The following ZNF257 variants were observed in gnomAD, a reference collection of about 807,000 sequenced individuals.
ZNF257 encodes zinc finger protein 257, also known as bone marrow zinc finger 4.
ZNF257 carries 12 observed loss-of-function variants against 11.9 expected under a neutral mutation model. The ratio of observed to expected loss-of-function variants is 1.01; its 90% CI spans 0.65 to 1.63. The LOEUF is 1.63. Among genes scored for constraint, ZNF257 ranks in the 40% most tolerant of loss-of-function variants. ZNF257 has a pLI of 0.00. For missense variants in ZNF257, 580 were observed against 665.5 expected, an observed-to-expected ratio of 0.87 and a Z score of 1.41; for synonymous variants, 183 against 222.7, an observed-to-expected ratio of 0.82 and a Z score of 1.59.
At chr19:22,084,524 G>T (rs1323959913) in intron 3 of ZNF257, among the ~76,000 whole-genome samples, 1 of 151,402 alleles carries the variant, frequency 6.6e-6, no homozygotes, top group Non-Finnish European at 1.5e-5. Flanking sequence ...TTTCAAAAGT[G>T]CAATGAGAAA....
At chr19:22,084,493 C>A (rs2022430185) in intron 3 of ZNF257, among the ~76,000 whole-genome samples, 1 of 151,378 alleles carries the variant, frequency 6.6e-6, no homozygotes, top group Non-Finnish European at 1.5e-5. Context: ...AATAGCACTC[C>A]TGAGTTTGTT....
At chr19:22,064,314 ATAAAT>A (rs1435797126) in intron 1 of ZNF257, 1 of 152,260 alleles carries the variant, frequency 6.6e-6, no homozygotes, top group African/African-American at 2.4e-5. Context: ...TGAAATATAC[ATAAAT>A]TATATTAACA....
At chr19:22,061,118 T>G (rs1232436976) in intron 1 of ZNF257, among the ~76,000 whole-genome samples, 1 of 152,062 alleles carries the variant, frequency 6.6e-6, no homozygotes, top group African/African-American at 2.4e-5. Context: ...TTTTTTTTTG[T>G]TCCATATGAA....
At position 22,052,567 on chromosome 19, in the gene ZNF257, G is replaced by A; in HGVS notation, c.-66G>A. On this transcript the variant is annotated 5_prime_UTR_variant, in exon 1 of 4. Transcript: ENST00000594947. ...TTCTCCTAGGGGCCCAGCCTCTGTG[G>A]CCCTGTGACCTGCAGGTATTGGGAG... 1.3e-6 allele frequency: 2 copies of A among 1,585,698 alleles called. No homozygotes were observed. Among genetic ancestry groups the A allele is most frequent in the Non-Finnish European group, 1.7e-6 (2 of 1,160,448 alleles).
intron 1 of ZNF257, among the ~76,000 whole-genome samples, chr19:22,061,153 T>C (rs2021785889): frequency 6.6e-6 from 1 of 152,188 alleles, no homozygotes; most frequent in Non-Finnish European, 1.5e-5. Context: ...CTTTTGGTTC[T>C]GTTAAGAATG....
intron 3 of ZNF257, among the ~76,000 whole-genome samples, chr19:22,078,236 T>TAA (rs56056830): frequency 0.24 from 24,671 of 101,672 alleles, 3,057 homozygotes; most frequent in South Asian, 0.42. Context: ...AGACTCCAAC[T>TAA]AAAAAAAAAA....
Position 22,052,625 on chromosome 19 carries a change from G to A in ZNF257, c.-8G>A, listed in dbSNP as rs1256350151. 1.2e-6 allele frequency: 2 copies of A among 1,607,810 alleles called. No individual in the cohort carries two copies. The highest frequency in any genetic ancestry group is 2.2e-5 in the East Asian group (1 of 44,530). The stretch of plus-strand genomic sequence containing the variant: ...GCTAAGACGCCAGGTCCTCCTGGAA[G>A]CCTAGAAATGGTGAGAGTGCTGGGT... On this transcript the variant is annotated 5_prime_UTR_variant, in exon 1 of 4. Coordinates refer to ENST00000594947, the MANE Select transcript of ZNF257 (RefSeq NM_033468.4).
intron 3 of ZNF257, among the ~76,000 whole-genome samples, chr19:22,080,668 TTC>T (rs1218306052): frequency 2.0e-5 from 3 of 151,890 alleles, no homozygotes; most frequent in African/African-American, 7.3e-5. Context: ...GTTTTCTAAG[TTC>T]TCTGTTTTAT....
chr19:22,067,412 A>G (rs1291224166), intron 1 of ZNF257, among the ~76,000 whole-genome samples: 1 of 151,920 alleles, frequency 6.6e-6, no homozygotes, highest in Non-Finnish European at 1.5e-5. Context: ...ACCTGCTGCT[A>G]CTCCACCCAT....
intron 3 of ZNF257, among the ~76,000 whole-genome samples, chr19:22,080,796 G>T (rs2022339067): frequency 6.6e-6 from 1 of 151,062 alleles, no homozygotes; most frequent in Admixed American, 6.6e-5. Context: ...TATATATTTT[G>T]GAGCCCTGAT....
At chr19:22,087,137 A>G (rs998561947) in intron 3 of ZNF257, among the ~76,000 whole-genome samples, 6 of 151,358 alleles carry the variant, frequency 4.0e-5, no homozygotes, top group Admixed American at 1.3e-4. Flanking sequence ...TTTTTATTTT[A>G]TAATGATTGC....
rs908177600 is a variant in ZNF257 at position 22,088,617 on chromosome 19, A to G, written c.867A>G (p.Glu289=). The change falls in exon 4 of 4, where the codon GAA becomes GAG. Residue 289 remains glutamate, a synonymous_variant. Coordinates refer to ENST00000594947, the MANE Select transcript of ZNF257 (RefSeq NM_033468.4). ...GAGAGAAGCCCTTCAAATATGATGA[A>G]TGTTGCAAAGCCTTTAAGTGGTCCT... The part of the protein sequence containing the change: ...HNREKPFKYD[E]CCKAFKWSSA... 6.2e-7 allele frequency: 1 copy of G among 1,611,768 alleles called. No homozygotes were observed. The highest frequency in any genetic ancestry group is 1.4e-5 in the African/African-American group (1 of 73,996).
rs1260043936 is a variant in ZNF257, at chr19:22,073,485, G to A, written c.147G>A (p.Lys49=). 2 of 1,611,338 alleles carry A rather than the reference G, an allele frequency of 1.2e-6. No individual in the cohort carries two copies. The highest frequency in any genetic ancestry group is 1.3e-5 in the African/African-American group (1 of 74,494). ...NLVFLGIAVS[K]PDLITCLEQG... ...AAAAAACAGGTATTGCTGTCTCTAA[G>A]CCAGACCTGATCACCTGTCTGGAGC... The change falls in exon 3 of 4, where the codon AAG becomes AAA. Residue 49 remains lysine, a synonymous_variant. Coordinates refer to ENST00000594947, the MANE Select transcript of ZNF257 (RefSeq NM_033468.4).
chr19:22,090,911 A>G lies in ZNF257; in HGVS notation c.*1469A>G, dbSNP rs1016268959. On this transcript the variant is annotated 3_prime_UTR_variant, in exon 4 of 4. Coordinates refer to ENST00000594947, the MANE Select transcript of ZNF257 (RefSeq NM_033468.4). ...ACCTCTTCTATAAAATAGTAAGGAC[A>G]CTGAAATATAAGATGCATAAGAGTC... is the stretch of plus-strand genomic sequence containing the variant. 6.6e-6 allele frequency: 1 copy of G among 152,182 alleles called. No homozygotes were observed. Among genetic ancestry groups the G allele is most frequent in the East Asian group, 1.9e-4 (1 of 5,196 alleles). The allele number at this position is 152,182 out of a possible 1,614,324, so 9.4% of individuals were successfully genotyped here.
At chr19:22,071,719 T>C (rs2022108412) in intron 1 of ZNF257, among the ~76,000 whole-genome samples, 1 of 152,136 alleles carries the variant, frequency 6.6e-6, no homozygotes, top group Non-Finnish European at 1.5e-5. Context: ...CAGAATTTTC[T>C]TCATGGATTT....
At chr19:22,071,324 A>C (rs1298181852) in intron 1 of ZNF257, among the ~76,000 whole-genome samples, 2 of 152,100 alleles carry the variant, frequency 1.3e-5, no homozygotes, top group Non-Finnish European at 2.9e-5. Flanking sequence ...AATGGATGGA[A>C]TGTTTCTGCA....
chr19:22,088,939 G>A lies in ZNF257; in HGVS notation c.1189G>A (p.Glu397Lys), dbSNP rs184934654. ...LTKHKRIHTR[E>K]KAYKCDEYCK... ...TAAACATAAGAGAATTCATACTAGA[G>A]AGAAGGCCTACAAATGTGATGAATA... is the stretch of plus-strand genomic sequence containing the variant. Residue 397 changes from glutamate (E) to lysine (K), a missense_variant, in exon 4 of 4, where the codon GAG (glutamate) becomes AAG (lysine). Coordinates refer to ENST00000594947, the MANE Select transcript of ZNF257 (RefSeq NM_033468.4). The A allele has an allele frequency of 2.6e-3, 4,205 of 1,611,870 alleles. 26 individuals are homozygous for A. Among genetic ancestry groups the A allele is most frequent in the South Asian group, 0.013 (1,185 of 90,984 alleles).
At chr19:22,087,932 C>T in intron 3 of ZNF257, 45 bp from the exon 4 acceptor site, 3 of 1,433,338 alleles carry the variant, frequency 2.1e-6, no homozygotes, top group Non-Finnish European at 2.8e-6. Context: ...AAATATTTAC[C>T]TGAGTCTAGT....
intron 1 of ZNF257, chr19:22,060,566 A>G (rs561427873): frequency 6.7e-6 from 1 of 148,748 alleles, no homozygotes; most frequent in South Asian, 2.1e-4. Context: ...GCTCTCTGCA[A>G]CCTCCGCCTC....
Sources: allele counts gnomAD v4.1 joint callset (sites outside exome capture counted in the v4.1 genomes callset), GRCh38; gene constraint gnomAD v4.1.1; transcripts MANE v1.5; gene names NCBI Gene and HGNC (gene_info 2026-07-23, HGNC 2026-07-21).